Variants in SEMA4B observed in about 807,000 individuals in gnomAD.
The protein encoded by SEMA4B is semaphorin-4B.
In SEMA4B, 55 loss-of-function variants were observed where a neutral mutation model predicts 88.1. That is an observed-to-expected ratio of 0.62 (90% CI 0.50 to 0.78). The LOEUF (loss-of-function observed/expected upper bound fraction) is 0.78, where lower values mean the gene tolerates loss of function less well. Among genes scored for constraint, SEMA4B ranks in the 30% least tolerant of loss-of-function variants. The pLI, the probability that SEMA4B is intolerant of heterozygous loss-of-function variation, is 0.00. For missense variants in SEMA4B, 1,062 were observed against 1,111.9 expected, an observed-to-expected ratio of 0.96 and a Z score of 0.64; for synonymous variants, 525 against 473.6, an observed-to-expected ratio of 1.11 and a Z score of -1.41.
chr15:90,210,770 C>T (rs1427960419), intron 1 of SEMA4B, among the ~76,000 whole-genome samples: 3 of 151,998 alleles, frequency 2.0e-5, no homozygotes, highest in East Asian at 3.9e-4. Flanking sequence ...GGTCTGTCAG[C>T]GAGGCGATCC....
At position 90,229,110 on chromosome 15, in the gene SEMA4B, G is replaced by C; in HGVS notation, c.*467G>C. 2.8e-6 allele frequency: 1 copy of C among 353,502 alleles called. No homozygotes were observed. 21.9% of individuals were successfully genotyped at this position (353,502 alleles called of 1,614,324 possible). A position where few individuals can be genotyped will look rare whatever the true frequency, so the allele number is the denominator to read the frequency against. ...CTTCCACATTATCCCGCTGCCACCGGCTGCCCTGTCTCACTGCAGATTCAG... is the reference window on the plus strand; with the variant it reads ...CTTCCACATTATCCCGCTGCCACCGCCTGCCCTGTCTCACTGCAGATTCAG... On this transcript the variant is annotated 3_prime_UTR_variant, in exon 14 of 14. Coordinates refer to ENST00000411539, the MANE Select transcript of SEMA4B (RefSeq NM_198925.4).
chr15:90,199,486 T>C (rs904942248), upstream of SEMA4B, among the ~76,000 whole-genome samples: 3 of 151,920 alleles, frequency 2.0e-5, no homozygotes, highest in African/African-American at 7.3e-5. Context: ...AGGAGCTTAG[T>C]TTGGGACATG....
chr15:90,194,211 C>T (rs1024501762), intron 1 of SEMA4B, among the ~76,000 whole-genome samples: 18 of 151,766 alleles, frequency 1.2e-4, no homozygotes, highest in Admixed American at 6.6e-4. Flanking sequence ...GTTAGGAGGA[C>T]ACATAGCTAG....
chr15:90,222,971 T>TATATATATATATACA (rs3029968), intron 7 of SEMA4B, among the ~76,000 whole-genome samples: 5 of 123,670 alleles, frequency 4.0e-5, no homozygotes, highest in African/African-American at 1.8e-4. Flanking sequence ...TATATATACA[T>TATATATATATATACA]TTTTTTTTTT....
intron 3 of SEMA4B, 188 bp downstream of exon 3, chr15:90,218,017 G>A: frequency 1.8e-6 from 1 of 563,338 alleles, no homozygotes; most frequent in Non-Finnish European, 3.2e-6. Flanking sequence ...CCTTCGACAA[G>A]TAGATTCACC....
chr15:90,199,143 G>T (rs977499674), upstream of SEMA4B, among the ~76,000 whole-genome samples: 1 of 152,088 alleles, frequency 6.6e-6, no homozygotes, highest in East Asian at 1.9e-4. Context: ...CAAAGTGCTG[G>T]GATTACAGGC....
intron 11 of SEMA4B, 77 bp from the exon 12 acceptor site, chr15:90,225,584 G>T: frequency 6.7e-7 from 1 of 1,494,400 alleles, no homozygotes. Context: ...GCTCTGGGAG[G>T]CATACAAGCC....
chr15:90,197,198 G>C (rs796655430), upstream of SEMA4B, among the ~76,000 whole-genome samples: 47 of 152,048 alleles, frequency 3.1e-4, no homozygotes, highest in African/African-American at 1.1e-3. Flanking sequence ...ACCAGCCTGG[G>C]CAACGTGGTG....
At chr15:90,199,377 G>A (rs1248479460), upstream of SEMA4B, among the ~76,000 whole-genome samples, 2 of 152,150 alleles carry the variant, frequency 1.3e-5, no homozygotes, top group African/African-American at 4.8e-5. Flanking sequence ...AATGAGAGGA[G>A]CTGAGGGTTT....
At chr15:90,190,753 G>C (rs1474346068) in intron 1 of SEMA4B, among the ~76,000 whole-genome samples, 1 of 152,014 alleles carries the variant, frequency 6.6e-6, no homozygotes, top group African/African-American at 2.4e-5. Context: ...GTCTTGCTCT[G>C]TGTCTGTGTC....
Position 90,225,061 on chromosome 15 carries a change from G to T in SEMA4B, c.1288G>T (p.Asp430Tyr). The change falls in exon 10 of 14, where the codon GAC (aspartate) becomes TAC (tyrosine). Residue 430 changes from aspartate to tyrosine, a missense_variant. Transcript: ENST00000411539. ...CTTCCTCAAGGACCACTTCCTGATG[G>T]ACGGGCAGGTCCGAAGCCGCATGCT... ...LNFLKDHFLM[D>Y]GQVRSRMLLL... 3.1e-6 allele frequency: 5 copies of T among 1,613,854 alleles called. No homozygotes were observed. Among genetic ancestry groups the T allele is most frequent in the Non-Finnish European group, 4.2e-6 (5 of 1,179,822 alleles).
intron 1 of SEMA4B, among the ~76,000 whole-genome samples, chr15:90,186,772 A>C (rs1337977002): frequency 6.6e-6 from 1 of 152,114 alleles, no homozygotes; most frequent in Admixed American, 6.6e-5. Context: ...TCTCTACTAA[A>C]AATACAAAAA....
chr15:90,192,880 C>T (rs111629855), intron 1 of SEMA4B, among the ~76,000 whole-genome samples: 4,467 of 152,218 alleles, frequency 0.029, 198 homozygotes, highest in African/African-American at 0.1. Context: ...TGAGCCACTG[C>T]GCCTGGCCTC....
chr15:90,192,586 C>CTTTTT (rs67328606), intron 1 of SEMA4B, among the ~76,000 whole-genome samples: 38 of 88,654 alleles, frequency 4.3e-4, no homozygotes, highest in African/African-American at 1.5e-3. Context: ...TCCCTTGTAG[C>CTTTTT]TTTTTTTTTT....
chr15:90,192,859 G>A (rs1456422101), intron 1 of SEMA4B, among the ~76,000 whole-genome samples: 4 of 152,092 alleles, frequency 2.6e-5, no homozygotes, highest in African/African-American at 9.7e-5. Context: ...AAAGTGCTGG[G>A]GTTACAGGCA....
intron 1 of SEMA4B, among the ~76,000 whole-genome samples, chr15:90,202,261 C>T (rs1960783304): frequency 6.6e-6 from 1 of 152,102 alleles, no homozygotes; most frequent in African/African-American, 2.4e-5. Flanking sequence ...CATGGAGAGA[C>T]CTCCAGGCCC....
intron 1 of SEMA4B, among the ~76,000 whole-genome samples, chr15:90,189,743 G>A (rs1489416153): frequency 6.6e-6 from 1 of 152,146 alleles, no homozygotes; most frequent in African/African-American, 2.4e-5. Context: ...GCGGGGAGTG[G>A]GGGCTGGTAG....
intron 13 of SEMA4B, 28 bp from the exon 14 acceptor site, chr15:90,227,876 C>T (rs778148898): frequency 1.2e-6 from 2 of 1,606,418 alleles, no homozygotes; most frequent in East Asian, 2.2e-5. Context: ...GCTGGCACCC[C>T]CCTACCCCAT....
At chr15:90,208,051 C>A (rs536514014) in intron 1 of SEMA4B, among the ~76,000 whole-genome samples, 7 of 152,106 alleles carry the variant, frequency 4.6e-5, no homozygotes, top group African/African-American at 1.7e-4. Flanking sequence ...TCAGGAGTTT[C>A]GAGACCAGCC....
Sources: allele counts gnomAD v4.1 joint callset (sites outside exome capture counted in the v4.1 genomes callset), GRCh38; gene constraint gnomAD v4.1.1; transcripts MANE v1.5; gene names NCBI Gene and HGNC (gene_info 2026-07-23, HGNC 2026-07-21).